The following PDGFC variants were observed in gnomAD, a reference collection of about 807,000 sequenced individuals.
The protein encoded by PDGFC is platelet-derived growth factor C.
Under a neutral mutation model 35.5 loss-of-function variants are expected in PDGFC, and 12 were observed. The observed-to-expected ratio is 0.34, with a 90% CI of 0.22 to 0.55. The LOEUF is 0.55. PDGFC is among the 20% of genes least tolerant of loss of function. The probability of loss-of-function intolerance (pLI) is 0.91; values close to 1 mark genes in which losing one functional copy is unlikely to be tolerated. For synonymous variants in PDGFC, 159 were observed against 148.8 expected (o/e 1.07, Z -0.50); for missense variants, 322 against 412.4 (o/e 0.78, Z 1.90).
At chr4:156,946,977 T>C (rs577574060) in intron 1 of PDGFC, among the ~76,000 whole-genome samples, 1 of 152,132 alleles carries the variant, frequency 6.6e-6, no homozygotes, top group East Asian at 1.9e-4. Flanking sequence ...AGTTGCAGTG[T>C]TAAGAAGGCT....
At chr4:156,812,264 C>T (rs1335192887) in intron 2 of PDGFC, among the ~76,000 whole-genome samples, 3 of 151,820 alleles carry the variant, frequency 2.0e-5, no homozygotes, top group Admixed American at 6.6e-5. Flanking sequence ...CGCAATGAGT[C>T]GACTTAAAAG....
chr4:156,841,502 G>GT (rs563021439), intron 2 of PDGFC: 12,720 of 139,022 alleles, frequency 0.091, 536 homozygotes, highest in Middle Eastern at 0.15. Flanking sequence ...GTCTCAGGCA[G>GT]TTTTTTTTTT....
At position 156,971,089 on chromosome 4, in the gene PDGFC, T is replaced by A; in HGVS notation, c.-186A>T. The A allele has an allele frequency of 1.8e-6, 1 of 564,148 alleles. No homozygotes were observed. Among genetic ancestry groups the A allele is most frequent in the South Asian group, 2.4e-5 (1 of 40,994 alleles). The allele number at this position is 564,148 out of a possible 1,614,324, so 34.9% of individuals were successfully genotyped here. On this transcript the variant is annotated 5_prime_UTR_variant, in exon 1 of 6. Coordinates refer to ENST00000502773, the MANE Select transcript of PDGFC (RefSeq NM_016205.3). Reference sequence around the variant, plus strand: ...AAAACTTTTTCCTAGAGCCCTCTTCTGTGTCTCCAGTTTTTGAAAAGGATC... The same window carrying A: ...AAAACTTTTTCCTAGAGCCCTCTTCAGTGTCTCCAGTTTTTGAAAAGGATC...
chr4:156,902,853 T>C (rs893817181), intron 1 of PDGFC, among the ~76,000 whole-genome samples: 20 of 152,182 alleles, frequency 1.3e-4, no homozygotes, highest in African/African-American at 4.3e-4. Flanking sequence ...GCACTCAATA[T>C]TTCTTTCTTT....
intron 3 of PDGFC, among the ~76,000 whole-genome samples, chr4:156,777,309 G>C (rs1364449303): frequency 6.6e-6 from 1 of 152,108 alleles, no homozygotes; most frequent in Non-Finnish European, 1.5e-5. Flanking sequence ...AATGAATATA[G>C]ACACACGTTG....
chr4:156,923,291 G>A (rs778760816), intron 1 of PDGFC, among the ~76,000 whole-genome samples: 3 of 151,984 alleles, frequency 2.0e-5, no homozygotes, highest in Non-Finnish European at 4.4e-5. Context: ...CTGCCTAGAC[G>A]CACCTGCCTC....
intron 1 of PDGFC, among the ~76,000 whole-genome samples, chr4:156,958,488 C>T (rs953321336): frequency 6.6e-6 from 1 of 151,978 alleles, no homozygotes; most frequent in African/African-American, 2.4e-5. Context: ...CATCAGTTTT[C>T]AAAACTTAGA....
chr4:156,941,235 C>A (rs1293462463), intron 1 of PDGFC, among the ~76,000 whole-genome samples: 1 of 152,128 alleles, frequency 6.6e-6, no homozygotes, highest in Non-Finnish European at 1.5e-5. Context: ...GTAAGTGAAA[C>A]ATAATGAAGG....
intron 5 of PDGFC, among the ~76,000 whole-genome samples, chr4:156,764,431 C>T (rs561720164): frequency 2.0e-5 from 3 of 152,272 alleles, no homozygotes; most frequent in African/African-American, 4.8e-5. Flanking sequence ...CTATTTTACA[C>T]ATGAGTGAAC....
chr4:156,924,176 C>T (rs540064373), intron 1 of PDGFC, among the ~76,000 whole-genome samples: 17 of 152,248 alleles, frequency 1.1e-4, no homozygotes, highest in Admixed American at 1.0e-3. Flanking sequence ...CAAAGCGCTC[C>T]ATATAAAAGT....
At chr4:156,818,865 C>T (rs1309747930) in intron 2 of PDGFC, among the ~76,000 whole-genome samples, 1 of 152,064 alleles carries the variant, frequency 6.6e-6, no homozygotes, top group African/African-American at 2.4e-5. Context: ...CTCTTAGAGG[C>T]CATTTTAGCG....
rs1730350896 is a variant in PDGFC at position 156,760,540 on chromosome 4, A to G, written c.*2550T>C. On this transcript the variant is annotated 3_prime_UTR_variant, in exon 6 of 6. Coordinates refer to ENST00000502773, the MANE Select transcript of PDGFC (RefSeq NM_016205.3). ...AGGACAAAGGCTTGAAACAGATATC[A>G]TACACAAAACGGTGTGTGGTCAATA... 6.6e-6 allele frequency: 1 copy of G among 152,194 alleles called. No individual in the cohort carries two copies. The highest frequency in any genetic ancestry group is 1.5e-5 in the Non-Finnish European group (1 of 68,026). 9.4% of individuals were successfully genotyped at this position (152,194 alleles called of 1,614,324 possible). A position where few individuals can be genotyped will look rare whatever the true frequency, so the allele number is the denominator to read the frequency against.
intron 1 of PDGFC, among the ~76,000 whole-genome samples, chr4:156,856,664 T>A (rs1156235117): frequency 6.6e-6 from 1 of 152,128 alleles, no homozygotes; most frequent in Non-Finnish European, 1.5e-5. Context: ...TACCTATTGA[T>A]ACTCTAAAGA....
chr4:156,915,386 C>G (rs1020423115), intron 1 of PDGFC, among the ~76,000 whole-genome samples: 3 of 151,902 alleles, frequency 2.0e-5, no homozygotes, highest in African/African-American at 7.2e-5. Context: ...TTTCTGGAAG[C>G]CCACAAAGCT....
chr4:156,822,517 G>T (rs1732297352), intron 2 of PDGFC, among the ~76,000 whole-genome samples: 1 of 151,772 alleles, frequency 6.6e-6, no homozygotes, highest in Non-Finnish European at 1.5e-5. Flanking sequence ...TCACAATAAG[G>T]CTTGTAAAAT....
chr4:156,855,790 T>C (rs1159222342), intron 1 of PDGFC, among the ~76,000 whole-genome samples: 3 of 152,168 alleles, frequency 2.0e-5, no homozygotes, highest in Non-Finnish European at 2.9e-5. Flanking sequence ...TCAATCTCCT[T>C]AATTCTCAAC....
chr4:156,971,698 G>C lies in PDGFC; in HGVS notation c.-795C>G, dbSNP rs970169875. ...CCTCAAAGCCTGGGGCAATTCGGCCGCTCGGGGTCACCGCGGGGCTCCGGT... is the reference window on the plus strand; with the variant it reads ...CCTCAAAGCCTGGGGCAATTCGGCCCCTCGGGGTCACCGCGGGGCTCCGGT... On this transcript the variant is annotated 5_prime_UTR_variant, in exon 1 of 6. Transcript: ENST00000502773. 2.0e-5 allele frequency among the ~76,000 whole-genome samples: 3 copies of C among 151,864 alleles called. No individual in the cohort carries two copies. Among genetic ancestry groups the C allele is most frequent in the African/African-American group, 7.2e-5 (3 of 41,402 alleles).
At chr4:156,955,970 T>A (rs1209344633) in intron 1 of PDGFC, among the ~76,000 whole-genome samples, 2 of 152,010 alleles carry the variant, frequency 1.3e-5, no homozygotes, top group Non-Finnish European at 2.9e-5. Context: ...GATAACCCCA[T>A]GAGAAGCCCT....
intron 1 of PDGFC, among the ~76,000 whole-genome samples, chr4:156,929,979 A>C (rs1042885017): frequency 2.0e-5 from 3 of 152,228 alleles, no homozygotes; most frequent in Non-Finnish European, 4.4e-5. Flanking sequence ...GCCAGATGTT[A>C]CAACACCAAA....
Sources: gnomAD v4.1 joint callset for allele counts (sites outside exome capture counted in the v4.1 genomes callset) on GRCh38, gnomAD v4.1.1 for gene constraint, MANE v1.5 for transcripts, NCBI Gene and HGNC (gene_info 2026-07-23, HGNC 2026-07-21) for gene names.